Variants in CTNNA2 observed in about 807,000 individuals in gnomAD.
CTNNA2 encodes catenin alpha 2, also known as catenin alpha-2.
Under a neutral mutation model 101.0 loss-of-function variants are expected in CTNNA2, and 42 were observed. The observed-to-expected ratio is 0.42, with a 90% CI of 0.32 to 0.54. The LOEUF is 0.54. Among genes scored for constraint, CTNNA2 ranks in the 20% least tolerant of loss-of-function variants. The pLI is 0.14. For synonymous variants in CTNNA2, 450 were observed against 456.4 expected (o/e 0.99, Z 0.18); for missense variants, 871 against 1,223.1 (o/e 0.71, Z 4.29).
chr2:80,313,743 A>G, intron 7 of CTNNA2: 1 of 945,838 alleles, frequency 1.1e-6, no homozygotes, highest in Non-Finnish European at 1.6e-6. Flanking sequence ...CCAAAATGTG[A>G]GTACAAGGAA....
intron 7 of CTNNA2, among the ~76,000 whole-genome samples, chr2:80,340,014 A>G (rs1455302743): frequency 6.6e-6 from 1 of 152,238 alleles, no homozygotes; most frequent in African/African-American, 2.4e-5. Flanking sequence ...TTGTGCTTAC[A>G]AAGTATATGC....
intron 7 of CTNNA2, among the ~76,000 whole-genome samples, chr2:80,036,838 TGTGTGTGTGTGAGAGA>T (rs1695689738): frequency 1.3e-5 from 1 of 77,092 alleles, no homozygotes; most frequent in African/African-American, 4.4e-5. Flanking sequence ...TGTGTGTGTG[TGTGTGTGTGTGAGAGA>T]GAGAGAGAGA....
intron 1 of CTNNA2, among the ~76,000 whole-genome samples, chr2:79,541,718 C>G (rs1673434596): frequency 7.3e-6 from 1 of 136,578 alleles, no homozygotes; most frequent in East Asian, 2.2e-4. Flanking sequence ...CCTCCACCTC[C>G]TGGGGTCAAG....
At position 79,382,715 on chromosome 2, in the gene CTNNA2, G is replaced by A. The variant is rs566429138; in HGVS notation, c.-135+8702G>A. ...TGCAAGCTCTGCCTCCCGGGTTCAT[G>A]CCATTCTCCTGCCTCAGCCTCCCGA... On this transcript the variant is annotated intron_variant, in intron 4 of 21. Coordinates refer to the CTNNA2 transcript ENST00000466387. Among the ~76,000 whole-genome samples the A allele has an allele frequency of 2.0e-3, 303 of 152,246 alleles. 2 individuals carry two copies. The highest frequency in any genetic ancestry group is 6.8e-3 in the African/African-American group (282 of 41,550).
rs557928045 is a variant in CTNNA2, at chr2:80,371,651, G to T, written c.1057-21560G>T. On this transcript the variant is annotated intron_variant, in intron 7 of 18. Coordinates refer to ENST00000402739, the MANE Select transcript of CTNNA2 (RefSeq NM_001282597.3). ...GGGGAGCATTGTAGATTCTAACACA[G>T]TGGTCAATGTTATTGAATAAAATGA... is the stretch of plus-strand genomic sequence containing the variant. 1.2e-4 allele frequency among the ~76,000 whole-genome samples: 18 copies of T among 151,926 alleles called. No individual in the cohort carries two copies. The South Asian group carries it at 3.7e-3, about 32-fold the overall frequency.
chr2:79,581,579 T>C (rs1234984766), intron 1 of CTNNA2, among the ~76,000 whole-genome samples: 1 of 152,146 alleles, frequency 6.6e-6, no homozygotes, highest in Non-Finnish European at 1.5e-5. Flanking sequence ...TGATTTTGCC[T>C]CTTCCCATTT....
intron 18 of CTNNA2, among the ~76,000 whole-genome samples, chr2:80,642,370 C>G (rs796787473): frequency 4.6e-5 from 7 of 152,162 alleles, no homozygotes; most frequent in African/African-American, 1.7e-4. Context: ...AGTGTTAAAA[C>G]CTTTAGTTTG....
At position 79,396,336 on chromosome 2, in the gene CTNNA2, T is replaced by C. The variant is rs569490181; in HGVS notation, c.-135+22323T>C. Among the ~76,000 whole-genome samples the C allele has an allele frequency of 1.6e-4, 24 of 152,188 alleles. No individual in the cohort carries two copies. The South Asian group carries it at 4.8e-3, about 30-fold the overall frequency. ...AACATGCCAGGCTAATTTTTATATT[T>C]TTAGTAGAGACGGGATTTCACTATG... On this transcript the variant is annotated intron_variant, in intron 4 of 21. Coordinates refer to the CTNNA2 transcript ENST00000466387.
chr2:79,487,131 C>T (rs957763235), intron 4 of CTNNA2, among the ~76,000 whole-genome samples: 2 of 152,138 alleles, frequency 1.3e-5, no homozygotes, highest in South Asian at 4.1e-4. Context: ...ATGTAACCAT[C>T]TTAACTTTGG....
At chr2:79,455,228 A>AAATCGAG (rs1271089744) in intron 4 of CTNNA2, among the ~76,000 whole-genome samples, 1 of 152,226 alleles carries the variant, frequency 6.6e-6, no homozygotes, top group Non-Finnish European at 1.5e-5. Flanking sequence ...TGCATAGTCA[A>AAATCGAG]AATCGAGAAC....
intron 7 of CTNNA2, among the ~76,000 whole-genome samples, chr2:80,126,299 T>A (rs1702104706): frequency 6.6e-6 from 1 of 152,066 alleles, no homozygotes; most frequent in Non-Finnish European, 1.5e-5. Context: ...ATAGAGGGTT[T>A]AAAATGACTG....
At chr2:79,207,587 C>G (rs1674116826) in intron 2 of CTNNA2, among the ~76,000 whole-genome samples, 1 of 152,118 alleles carries the variant, frequency 6.6e-6, no homozygotes, top group African/African-American at 2.4e-5. Context: ...ACACAAAAGG[C>G]AGTGAACTAC....
At chr2:80,645,435 A>T (rs564764289) in intron 18 of CTNNA2, among the ~76,000 whole-genome samples, 16 of 152,274 alleles carry the variant, frequency 1.1e-4, no homozygotes, top group South Asian at 6.2e-4. Flanking sequence ...CTTGTGTATG[A>T]CGGAAGTCCT....
At chr2:79,285,674 G>C (rs370184805) in intron 2 of CTNNA2, among the ~76,000 whole-genome samples, 2 of 93,692 alleles carry the variant, frequency 2.1e-5, no homozygotes, top group Non-Finnish European at 4.1e-5. Flanking sequence ...TTACTTCCAA[G>C]TATGTGGTCA....
At chr2:80,546,216 A>G (rs1268306861) in intron 11 of CTNNA2, among the ~76,000 whole-genome samples, 153 bp downstream of exon 11, 3 of 152,152 alleles carry the variant, frequency 2.0e-5, no homozygotes, top group Non-Finnish European at 4.4e-5. Context: ...TGATTATAAC[A>G]CCCTCTTAGA....
intron 8 of CTNNA2, among the ~76,000 whole-genome samples, chr2:80,418,594 G>A (rs762831606): frequency 2.1e-4 from 32 of 152,182 alleles, no homozygotes; most frequent in Admixed American, 3.9e-4. Context: ...AATAACGAAC[G>A]TGTGGGTGTC....
rs116122324 is a variant in CTNNA2 at position 79,276,920 on chromosome 2, G to T, written c.-405-35789G>T. On this transcript the variant is annotated intron_variant, in intron 2 of 21. Coordinates refer to the CTNNA2 transcript ENST00000466387. ...GTTCACACACTTACCATCTAAGCCT[G>T]CATGTTCACATGCGCATAGATGTGC... is the stretch of plus-strand genomic sequence containing the variant. 5.8e-3 allele frequency among the ~76,000 whole-genome samples: 879 copies of T among 152,218 alleles called. 7 individuals carry two copies. The highest frequency in any genetic ancestry group is 0.02 in the Middle Eastern group (6 of 294).
chr2:79,757,063 A>G (rs1460561627), intron 3 of CTNNA2, among the ~76,000 whole-genome samples: 1 of 152,206 alleles, frequency 6.6e-6, no homozygotes, highest in African/African-American at 2.4e-5. Flanking sequence ...ACAACCCTAC[A>G]TATTTACTCT....
At chr2:79,257,984 C>G (rs572913489) in intron 2 of CTNNA2, among the ~76,000 whole-genome samples, 2 of 152,242 alleles carry the variant, frequency 1.3e-5, no homozygotes, top group East Asian at 1.9e-4. Context: ...AGATGTCTAA[C>G]TCCAATTTCT....
Sources: allele counts gnomAD v4.1 joint callset (sites outside exome capture counted in the v4.1 genomes callset), GRCh38; gene constraint gnomAD v4.1.1; transcripts MANE v1.5; gene names NCBI Gene and HGNC (gene_info 2026-07-23, HGNC 2026-07-21).